NFIB: variants seen among roughly 807,000 people sequenced by gnomAD.
The protein encoded by NFIB is nuclear factor I B.
Under a neutral mutation model 61.5 loss-of-function variants are expected in NFIB, and 11 were observed. The observed-to-expected ratio is 0.18, with a 90% CI of 0.11 to 0.30. NFIB has a LOEUF of 0.30. Among genes scored for constraint, NFIB ranks in the 10% least tolerant of loss-of-function variants. The pLI is 1.00. For missense variants in NFIB, 471 were observed against 608.9 expected (o/e 0.77, Z 2.38); for synonymous variants, 260 against 216.5 (o/e 1.20, Z -1.76).
chr9:14,178,249 G>A (rs2046384258), intron 3 of NFIB, among the ~76,000 whole-genome samples: 1 of 152,018 alleles, frequency 6.6e-6, no homozygotes, highest in Non-Finnish European at 1.5e-5. Context: ...AAAAATCTTT[G>A]TAAAGTTAAA....
At chr9:14,223,301 T>C (rs922786735) in intron 2 of NFIB, among the ~76,000 whole-genome samples, 2 of 152,180 alleles carry the variant, frequency 1.3e-5, no homozygotes, top group Admixed American at 1.3e-4. Flanking sequence ...TGAGCTGATC[T>C]ACTCTGACCT....
chr9:14,145,662 T>G (rs923909138), intron 6 of NFIB, among the ~76,000 whole-genome samples: 3 of 151,086 alleles, frequency 2.0e-5, no homozygotes, highest in African/African-American at 7.3e-5. Flanking sequence ...TTTTTTTTTT[T>G]TTTTTTGAGA....
At chr9:14,499,637 T>C in the NFIB span, among the ~76,000 whole-genome samples, 35,583 of 152,096 alleles carry the variant, frequency 0.23, 4,487 homozygotes, top group East Asian at 0.39. Flanking sequence ...ATATGGAAAA[T>C]AATGCTTGTG....
At position 14,088,180 on chromosome 9, in the gene NFIB, TTG is replaced by T. The variant is rs1563771069; in HGVS notation, c.*127_*128del. ...AAAAAAAAAATTTCTTAAACTATTG[TTG>T]TGTTTCTTTTTCCCTCAGTTGCTTG... On this transcript the variant is annotated 3_prime_UTR_variant, in exon 11 of 11. Coordinates refer to ENST00000380953, the MANE Select transcript of NFIB (RefSeq NM_001190737.2). 1 of 1,505,022 alleles carries T rather than the reference TTG, an allele frequency of 6.6e-7. No homozygotes were observed. Among genetic ancestry groups the T allele is most frequent in the Admixed American group, 2.1e-5 (1 of 47,928 alleles). The allele number at this position is 1,505,022 out of a possible 1,614,324, so 93.2% of individuals were successfully genotyped here. A position where few individuals can be genotyped will look rare whatever the true frequency, so the allele number is the denominator to read the frequency against.
intron 7 of NFIB, 143 bp downstream of exon 7, chr9:14,125,489 C>T (rs2130886094): frequency 8.4e-7 from 1 of 1,186,534 alleles, no homozygotes; most frequent in Non-Finnish European, 1.2e-6. Context: ...AGAAAAAATA[C>T]TTGATCGGAT....
At position 14,314,127 on chromosome 9, in the gene NFIB, A is replaced by C. The variant is rs539747970; in HGVS notation, c.-616T>G. On this transcript the variant is annotated 5_prime_UTR_variant, in exon 1 of 11. Transcript: ENST00000380953. ...CCGACCATGTGTGTGCGCGAGGGGC[A>C]GCGTGAGCGAGTGCGCGCGGGTGGC... 18 of 975,802 alleles carry C rather than the reference A, an allele frequency of 1.8e-5. No individual in the cohort carries two copies. In the South Asian group the frequency reaches 6.3e-4, roughly 34 times the overall value. The allele number at this position is 975,802 out of a possible 1,614,324, so 60.4% of individuals were successfully genotyped here. A position where few individuals can be genotyped will look rare whatever the true frequency, so the allele number is the denominator to read the frequency against.
the NFIB span, among the ~76,000 whole-genome samples, chr9:14,431,974 T>C: frequency 2.7e-3 from 404 of 152,306 alleles, no homozygotes; most frequent in African/African-American, 9.4e-3. Flanking sequence ...CCAAATGGTG[T>C]GCCTGACTCA....
At position 14,163,019 on chromosome 9, in the gene NFIB, A is replaced by G. The variant is rs946543919; in HGVS notation, c.617-7126T>C. On this transcript the variant is annotated intron_variant, in intron 3 of 10. Coordinates refer to ENST00000380953, the MANE Select transcript of NFIB (RefSeq NM_001190737.2). ...AAGACTATCACCATTTACTATGTAA[A>G]CCTAAGGCAAGCTGTCTAACTCTTC... Among the ~76,000 whole-genome samples, 5 of 152,016 alleles carry G rather than the reference A, an allele frequency of 3.3e-5. No homozygotes were observed. In the East Asian group the frequency reaches 9.6e-4, roughly 29 times the overall value.
At chr9:14,496,104 T>C in the NFIB span, among the ~76,000 whole-genome samples, 1 of 152,214 alleles carries the variant, frequency 6.6e-6, no homozygotes, top group Non-Finnish European at 1.5e-5. Flanking sequence ...ACTCAATAAA[T>C]ACAATCTATT....
In NFIB at chr9:14,385,784, C is replaced by CT. The variant is rs533472565; in HGVS notation, c.108+12739dup. ...TATGGGATCAGAGACACAGTGGAAT[C>CT]TTTTTTTTTTTTTTTTGAAACAGAG... On this transcript the variant is annotated intron_variant, in intron 1 of 8. Coordinates refer to the NFIB transcript ENST00000380934. 2.7e-3 allele frequency among the ~76,000 whole-genome samples: 374 copies of CT among 139,788 alleles called. 1 individual carries two copies. Among genetic ancestry groups the CT allele is most frequent in the South Asian group, 4.8e-3 (21 of 4,358 alleles). The allele number at this position is 139,788 out of a possible 152,430, so 91.7% of individuals were successfully genotyped here.
intron 10 of NFIB, among the ~76,000 whole-genome samples, chr9:14,108,413 T>C (rs1356846380): frequency 1.3e-5 from 2 of 152,032 alleles, no homozygotes; most frequent in African/African-American, 4.8e-5. Flanking sequence ...TTTAAAAAAA[T>C]CCTACAGAAG....
intron 2 of NFIB, among the ~76,000 whole-genome samples, chr9:14,218,580 C>A (rs2051231804): frequency 6.6e-6 from 1 of 152,172 alleles, no homozygotes; most frequent in Admixed American, 6.5e-5. Context: ...GTCACCCAAT[C>A]AATGAACAAA....
intron 10 of NFIB, among the ~76,000 whole-genome samples, chr9:14,093,749 C>T (rs2034322051): frequency 6.6e-6 from 1 of 152,040 alleles, no homozygotes; most frequent in Admixed American, 6.6e-5. Flanking sequence ...GAAAACTGTG[C>T]TGCCCTGGGT....
chr9:14,483,145 C>T, the NFIB span, among the ~76,000 whole-genome samples: 16,598 of 152,100 alleles, frequency 0.11, 1,000 homozygotes, highest in South Asian at 0.19. Flanking sequence ...AGAAACAGAA[C>T]TGTATGTTTC....
At chr9:14,132,356 C>CT (rs1360213301) in intron 6 of NFIB, among the ~76,000 whole-genome samples, 2 of 152,092 alleles carry the variant, frequency 1.3e-5, no homozygotes, top group African/African-American at 4.8e-5. Flanking sequence ...TAAATGAACC[C>CT]TATAGAGACA....
chr9:14,504,262 A>G, the NFIB span, among the ~76,000 whole-genome samples: 2 of 152,198 alleles, frequency 1.3e-5, no homozygotes, highest in Admixed American at 1.3e-4. Flanking sequence ...AGGTAATGTG[A>G]TACCTCCAGA....
At chr9:14,145,467 AT>A (rs2042179359) in intron 6 of NFIB, among the ~76,000 whole-genome samples, 1 of 151,982 alleles carries the variant, frequency 6.6e-6, no homozygotes, top group Non-Finnish European at 1.5e-5. Context: ...TTTAAACTCC[AT>A]GGCACTCGGT....
chr9:14,110,918 C>T (rs1311979144), intron 10 of NFIB, among the ~76,000 whole-genome samples: 1 of 152,080 alleles, frequency 6.6e-6, no homozygotes, highest in Admixed American at 6.5e-5. Context: ...CTAACTCTTT[C>T]ATTACATAGA....
intron 10 of NFIB, among the ~76,000 whole-genome samples, chr9:14,112,043 C>T (rs1426172132): frequency 6.6e-6 from 1 of 152,110 alleles, no homozygotes; most frequent in Non-Finnish European, 1.5e-5. Context: ...ACTACCTACA[C>T]AAAAAGTCAT....
Sources: gnomAD v4.1 joint callset for allele counts (sites outside exome capture counted in the v4.1 genomes callset) on GRCh38, gnomAD v4.1.1 for gene constraint, MANE v1.5 for transcripts, NCBI Gene and HGNC (gene_info 2026-07-23, HGNC 2026-07-21) for gene names.